Variants in PLCL1 observed in about 807,000 individuals in gnomAD.
PLCL1 encodes the protein phospholipase C like 1 (inactive), also known as inactive phospholipase C-like protein 1.
Under a neutral mutation model 84.4 loss-of-function variants are expected in PLCL1, and 41 were observed. The observed-to-expected ratio is 0.49, with a 90% CI of 0.38 to 0.63. PLCL1 has a LOEUF of 0.63. Among genes scored for constraint, PLCL1 ranks in the 30% least tolerant of loss-of-function variants. The pLI is 0.00. For synonymous variants in PLCL1, 490 were observed against 488.3 expected (o/e 1.00, Z -0.05); for missense variants, 1,206 against 1,367.8 (o/e 0.88, Z 1.87).
intron 1 of PLCL1, among the ~76,000 whole-genome samples, chr2:197,859,825 A>G (rs1280618444): frequency 6.6e-6 from 1 of 152,208 alleles, no homozygotes; most frequent in African/African-American, 2.4e-5. Context: ...TGATATAAGC[A>G]CAATTACAAA....
intron 1 of PLCL1, among the ~76,000 whole-genome samples, chr2:198,036,822 A>G (rs1691560545): frequency 7.3e-6 from 1 of 136,562 alleles, no homozygotes; most frequent in South Asian, 2.6e-4. Flanking sequence ...GCAAAGTAAA[A>G]AACATTTTTT....
intron 1 of PLCL1, among the ~76,000 whole-genome samples, chr2:197,838,662 A>G (rs1416270961): frequency 6.6e-6 from 1 of 152,236 alleles, no homozygotes; most frequent in African/African-American, 2.4e-5. Flanking sequence ...ATAAACACAT[A>G]TATCACAAAG....
chr2:198,120,369 A>T (rs1392731490), intron 5 of PLCL1, among the ~76,000 whole-genome samples: 1 of 152,010 alleles, frequency 6.6e-6, no homozygotes, highest in African/African-American at 2.4e-5. Context: ...CAATTAAATT[A>T]TTATTGACTA....
At position 198,084,635 on chromosome 2, in the gene PLCL1, C is replaced by A. The variant is rs543894015; in HGVS notation, c.1118C>A (p.Ala373Glu). Reference sequence around the variant, plus strand: ...GAGGGACGTCAAAAAGGGTTTCTTGCAATTGATGGCTTTACCCAGTATTTA... The same window carrying A: ...GAGGGACGTCAAAAAGGGTTTCTTGAAATTGATGGCTTTACCCAGTATTTA... ...SEEGRQKGFLAIDGFTQYLLS... is the reference protein window; with the variant it reads ...SEEGRQKGFLEIDGFTQYLLS... Residue 373 changes from alanine to glutamate, a missense_variant, in exon 2 of 6, where the codon GCA becomes GAA. Transcript: ENST00000428675. The A allele has an allele frequency of 3.1e-6, 5 of 1,614,022 alleles. No individual in the cohort carries two copies. The highest frequency in any genetic ancestry group is 4.2e-6 in the Non-Finnish European group (5 of 1,179,918).
chr2:197,881,967 C>T (rs1687838569), intron 1 of PLCL1, among the ~76,000 whole-genome samples: 1 of 152,074 alleles, frequency 6.6e-6, no homozygotes, highest in Non-Finnish European at 1.5e-5. Flanking sequence ...TCTCACCTCT[C>T]AGGCAGGCAC....
At chr2:197,922,057 C>T (rs1338803078) in intron 1 of PLCL1, among the ~76,000 whole-genome samples, 1 of 117,316 alleles carries the variant, frequency 8.5e-6, no homozygotes, top group Non-Finnish European at 1.7e-5. Flanking sequence ...GTGTTTCTCA[C>T]AGAGGGGGAT....
intron 1 of PLCL1, among the ~76,000 whole-genome samples, chr2:197,922,017 T>TA (rs60395495): frequency 2.9e-5 from 4 of 139,240 alleles, no homozygotes; most frequent in African/African-American, 5.3e-5. Flanking sequence ...TTTTTTTTTT[T>TA]AAATTTATTT....
intron 1 of PLCL1, among the ~76,000 whole-genome samples, chr2:197,992,412 A>C (rs1418058831): frequency 1.3e-5 from 2 of 151,906 alleles, no homozygotes; most frequent in Non-Finnish European, 2.9e-5. Flanking sequence ...CCACAGACAC[A>C]CACCACCATG....
At chr2:197,895,376 G>T (rs1423777016) in intron 1 of PLCL1, among the ~76,000 whole-genome samples, 1 of 151,698 alleles carries the variant, frequency 6.6e-6, no homozygotes, top group Non-Finnish European at 1.5e-5. Flanking sequence ...GTAAATAAAA[G>T]ATCAATCATT....
At chr2:197,875,141 C>T (rs1687711717) in intron 1 of PLCL1, among the ~76,000 whole-genome samples, 2 of 152,006 alleles carry the variant, frequency 1.3e-5, no homozygotes, top group South Asian at 2.1e-4. Flanking sequence ...CAAAAACTAG[C>T]TGGGTGTGGT....
chr2:197,942,865 C>T (rs972959073), intron 1 of PLCL1, among the ~76,000 whole-genome samples: 6 of 152,060 alleles, frequency 3.9e-5, no homozygotes, highest in Admixed American at 6.6e-5. Context: ...CAGACTTCTC[C>T]TGATTTGGAA....
At chr2:197,931,028 G>A (rs997717301) in intron 1 of PLCL1, among the ~76,000 whole-genome samples, 1 of 152,106 alleles carries the variant, frequency 6.6e-6, no homozygotes, top group Non-Finnish European at 1.5e-5. Flanking sequence ...GTCAGTTGGA[G>A]GGTGGCAGGG....
At chr2:197,832,218 T>C (rs1055155279) in intron 1 of PLCL1, among the ~76,000 whole-genome samples, 1 of 152,144 alleles carries the variant, frequency 6.6e-6, no homozygotes, top group Non-Finnish European at 1.5e-5. Flanking sequence ...ATCCAAGAAC[T>C]GTTTTTTTGA....
intron 5 of PLCL1, among the ~76,000 whole-genome samples, chr2:198,108,728 G>A (rs1693548151): frequency 6.6e-6 from 1 of 151,932 alleles, no homozygotes; most frequent in Non-Finnish European, 1.5e-5. Flanking sequence ...TGAAATCAAG[G>A]TGCTTCTGGA....
At chr2:197,848,328 T>G (rs942550842) in intron 1 of PLCL1, among the ~76,000 whole-genome samples, 1 of 152,216 alleles carries the variant, frequency 6.6e-6, no homozygotes, top group Admixed American at 6.5e-5. Flanking sequence ...AGATTTCTGA[T>G]AAGAAAGAGT....
chr2:197,920,148 G>A (rs914918495), intron 1 of PLCL1, among the ~76,000 whole-genome samples: 5 of 152,126 alleles, frequency 3.3e-5, no homozygotes, highest in East Asian at 1.9e-4. Flanking sequence ...TCAGTGGTCC[G>A]TCAAATTAAA....
chr2:198,000,199 A>G (rs1373554460), intron 1 of PLCL1, among the ~76,000 whole-genome samples: 1 of 152,170 alleles, frequency 6.6e-6, no homozygotes, highest in South Asian at 2.1e-4. Context: ...CAAGTTTCGT[A>G]CATCTTAATT....
intron 1 of PLCL1, among the ~76,000 whole-genome samples, chr2:197,897,866 G>A (rs1034495847): frequency 6.6e-6 from 1 of 152,176 alleles, no homozygotes; most frequent in Non-Finnish European, 1.5e-5. Flanking sequence ...AGAAGCATGT[G>A]ACAGGAGCTG....
intron 1 of PLCL1, among the ~76,000 whole-genome samples, chr2:197,879,789 G>T (rs1450198004): frequency 6.6e-6 from 1 of 152,028 alleles, no homozygotes; most frequent in Non-Finnish European, 1.5e-5. Context: ...ACTTGTTGGA[G>T]GGCTAGCCTT....
Sources: allele counts gnomAD v4.1 joint callset (sites outside exome capture counted in the v4.1 genomes callset), GRCh38; gene constraint gnomAD v4.1.1; transcripts MANE v1.5; gene names NCBI Gene and HGNC (gene_info 2026-07-23, HGNC 2026-07-21).